The following CENPC variants were observed in gnomAD, a reference collection of about 807,000 sequenced individuals.
CENPC encodes the protein centromere protein C.
Under a neutral mutation model 112.1 loss-of-function variants are expected in CENPC, and 63 were observed. That is an observed-to-expected ratio of 0.56 (90% CI 0.46 to 0.69). The LOEUF is 0.69. CENPC is among the 30% of genes least tolerant of loss of function. The probability of loss-of-function intolerance (pLI) is 0.00; values close to 1 mark genes in which losing one functional copy is unlikely to be tolerated. For missense variants in CENPC, 1,000 were observed against 1,103.8 expected, an observed-to-expected ratio of 0.91 and a Z score of 1.33; for synonymous variants, 333 against 367.6, an observed-to-expected ratio of 0.91 and a Z score of 1.08.
rs1473294897 is a variant in CENPC at position 67,515,248 on chromosome 4, T to C, written c.831-561A>G. 1.2e-4 allele frequency among the ~76,000 whole-genome samples: 18 copies of C among 150,034 alleles called. 1 individual carries two copies. Among genetic ancestry groups the C allele is most frequent in the African/African-American group, 4.5e-4 (18 of 39,628 alleles). On this transcript the variant is annotated intron_variant, in intron 7 of 18. Coordinates refer to ENST00000273853, the MANE Select transcript of CENPC (RefSeq NM_001812.4). ...TGGGAGGCTGAGGCAGGTGGATCAC[T>C]TGAGGTCAGGAGTTCAAGACCAGCC...
rs375304304 is a variant in CENPC at position 67,473,638 on chromosome 4, G to A, written c.2762-963C>T. The stretch of plus-strand genomic sequence containing the variant: ...TACAATCACAGCTCACCGCAACTTT[G>A]AACTCCTGGGCTCATGCAGTCCTCC... On this transcript the variant is annotated intron_variant, in intron 18 of 18. Coordinates refer to ENST00000273853, the MANE Select transcript of CENPC (RefSeq NM_001812.4). Among the ~76,000 whole-genome samples, 8 of 152,076 alleles carry A rather than the reference G, an allele frequency of 5.3e-5. No individual in the cohort carries two copies. In the South Asian group the frequency reaches 1.7e-3, roughly 32 times the overall value.
intron 12 of CENPC, among the ~76,000 whole-genome samples, chr4:67,496,927 T>C (rs1027263785): frequency 8.9e-6 from 1 of 112,392 alleles, no homozygotes; most frequent in African/African-American, 3.5e-5. Flanking sequence ...TCCTATGCAG[T>C]CTCCCCTAGA....
intron 12 of CENPC, among the ~76,000 whole-genome samples, chr4:67,500,402 A>G (rs1430118387): frequency 5.9e-5 from 9 of 152,188 alleles, no homozygotes; most frequent in Non-Finnish European, 1.0e-4. Flanking sequence ...TACACTGAGA[A>G]AGACTAGAAG....
intron 12 of CENPC, among the ~76,000 whole-genome samples, chr4:67,499,554 A>G (rs1725534003): frequency 6.6e-6 from 1 of 152,188 alleles, no homozygotes; most frequent in South Asian, 2.1e-4. Context: ...AGAATTAAAG[A>G]GAGTTAGGGC....
chr4:67,509,197 C>T, intron 9 of CENPC, 92 bp from the exon 10 acceptor site: 2 of 561,578 alleles, frequency 3.6e-6, no homozygotes, highest in Non-Finnish European at 6.1e-6. Flanking sequence ...TGCATATAAA[C>T]ATATACACAT....
rs568927438 is a variant in CENPC at position 67,497,310 on chromosome 4, G to A, written c.2132-2098C>T. On this transcript the variant is annotated intron_variant, in intron 12 of 18. Coordinates refer to ENST00000273853, the MANE Select transcript of CENPC (RefSeq NM_001812.4). Reference sequence around the variant, plus strand: ...GGAGAATCGCTTGAACCCAGAAGGCGGAGGTTGCAGTGAGCCGAGATCACA... The same window carrying A: ...GGAGAATCGCTTGAACCCAGAAGGCAGAGGTTGCAGTGAGCCGAGATCACA... Among the ~76,000 whole-genome samples the A allele has an allele frequency of 2.2e-4, 33 of 150,548 alleles. No homozygotes were observed. The South Asian group carries it at 4.2e-3, about 19-fold the overall frequency.
At chr4:67,519,181 T>C (rs775290630) in intron 6 of CENPC, 36 bp downstream of exon 6, 1 of 1,452,354 alleles carries the variant, frequency 6.9e-7, no homozygotes. Context: ...AGTAAAATTT[T>C]TAAAGTGCGT....
At chr4:67,498,207 C>G (rs975263794) in intron 12 of CENPC, among the ~76,000 whole-genome samples, 5 of 152,000 alleles carry the variant, frequency 3.3e-5, no homozygotes, top group African/African-American at 1.2e-4. Context: ...TGCACTCCAG[C>G]CTGGGTATTA....
Position 67,488,164 on chromosome 4 carries a change from A to G in CENPC, c.2670+1803T>C, listed in dbSNP as rs189820621. On this transcript the variant is annotated intron_variant, in intron 17 of 18. Transcript: ENST00000273853. The stretch of plus-strand genomic sequence containing the variant: ...TAGATACTATATACAAAGAACTTTT[A>G]TCTTGCATATTTGCTTAAACATTTA... Among the ~76,000 whole-genome samples, 203 of 151,924 alleles carry G rather than the reference A, an allele frequency of 1.3e-3. 4 individuals carry two copies. Among genetic ancestry groups the G allele is most frequent in the African/African-American group, 4.7e-3 (195 of 41,354 alleles).
intron 13 of CENPC, among the ~76,000 whole-genome samples, chr4:67,494,925 T>C (rs992511944): frequency 1.3e-5 from 2 of 152,078 alleles, no homozygotes; most frequent in Non-Finnish European, 2.9e-5. Flanking sequence ...CCCCCTACTA[T>C]GGGGCAAAAA....
chr4:67,490,873 T>TAA (rs1218889602), intron 16 of CENPC, among the ~76,000 whole-genome samples: 28 of 54,584 alleles, frequency 5.1e-4, no homozygotes, highest in South Asian at 1.6e-3. Context: ...TATATATATA[T>TAA]ATATAGAAAT....
intron 5 of CENPC, among the ~76,000 whole-genome samples, chr4:67,524,266 C>G (rs1027202660): frequency 6.6e-6 from 1 of 152,042 alleles, no homozygotes; most frequent in African/African-American, 2.4e-5. Context: ...AAAACTGGCA[C>G]GAGACAAGGA....
At chr4:67,504,052 A>G (rs1445831846) in intron 12 of CENPC, among the ~76,000 whole-genome samples, 3 of 151,024 alleles carry the variant, frequency 2.0e-5, no homozygotes, top group Non-Finnish European at 3.0e-5. Context: ...TTCTTACTCA[A>G]GATAATATAG....
At chr4:67,541,440 A>G (rs974613389) in intron 2 of CENPC, among the ~76,000 whole-genome samples, 4 of 152,162 alleles carry the variant, frequency 2.6e-5, no homozygotes, top group African/African-American at 9.7e-5. Context: ...TCTCAAATGC[A>G]TTTCTAATTC....
chr4:67,517,788 G>C (rs577166109), intron 7 of CENPC, among the ~76,000 whole-genome samples: 1 of 152,228 alleles, frequency 6.6e-6, no homozygotes, highest in South Asian at 2.1e-4. Flanking sequence ...AATGAGCCGA[G>C]ATTGCGTCAC....
chr4:67,540,950 C>T, intron 3 of CENPC, 30 bp downstream of exon 3: 1 of 1,489,880 alleles, frequency 6.7e-7, no homozygotes, highest in Non-Finnish European at 9.3e-7. Flanking sequence ...CCATCTAACC[C>T]TTAAATTCCA....
Position 67,506,894 on chromosome 4 carries a change from C to G in CENPC, c.1945G>C (p.Ala649Pro). The G allele has an allele frequency of 6.2e-7, 1 of 1,611,052 alleles. No homozygotes were observed. Among genetic ancestry groups the G allele is most frequent in the South Asian group, 1.1e-5 (1 of 90,904 alleles). ...TGAGGCTTTAGGGGAACATTCTGTG[C>G]AGTCATAATGTTATCTTCATTCTTT... ...SSKNEDNIMTAQNVPLKPQTS... is the reference protein window; with the variant it reads ...SSKNEDNIMTPQNVPLKPQTS... Residue 649 changes from alanine (A) to proline (P), a missense_variant, in exon 11 of 19, where the codon GCA (alanine) becomes CCA (proline). Transcript: ENST00000273853.
chr4:67,504,380 G>A (rs1009211371), intron 12 of CENPC, among the ~76,000 whole-genome samples: 1 of 151,930 alleles, frequency 6.6e-6, no homozygotes, highest in African/African-American at 2.4e-5. Context: ...TAAATCTAAT[G>A]ACGGGGGAAA....
chr4:67,472,790 C>T, intron 18 of CENPC, 115 bp from the exon 19 acceptor site: 1 of 1,161,414 alleles, frequency 8.6e-7, no homozygotes, highest in Non-Finnish European at 1.1e-6. Context: ...AAAAACAATT[C>T]ACCTAACCTA....
Sources: gnomAD v4.1 joint callset for allele counts (sites outside exome capture counted in the v4.1 genomes callset) on GRCh38, gnomAD v4.1.1 for gene constraint, MANE v1.5 for transcripts, NCBI Gene and HGNC (gene_info 2026-07-23, HGNC 2026-07-21) for gene names.